The following MYLK4 variants were observed in gnomAD, a reference collection of about 807,000 sequenced individuals.
The protein encoded by MYLK4 is myosin light chain kinase family member 4.
A neutral mutation model predicts 48.1 loss-of-function variants in MYLK4; 46 were observed. The ratio of observed to expected loss-of-function variants is 0.96; its 90% CI spans 0.75 to 1.22. MYLK4 has a LOEUF of 1.22. Among genes scored for constraint, MYLK4 ranks in the 50% most tolerant of loss-of-function variants. The pLI is 0.00. For missense variants in MYLK4, 451 were observed against 486.1 expected (o/e 0.93, Z 0.68); for synonymous variants, 170 against 180.8 (o/e 0.94, Z 0.48).
At chr6:2,721,221 G>T (rs998981512) in intron 2 of MYLK4, among the ~76,000 whole-genome samples, 2 of 152,050 alleles carry the variant, frequency 1.3e-5, no homozygotes, top group African/African-American at 4.8e-5. Flanking sequence ...TCCAAGAAAG[G>T]TTCCTAGACT....
intron 6 of MYLK4, among the ~76,000 whole-genome samples, chr6:2,683,773 G>A (rs1056578574): frequency 1.3e-5 from 2 of 152,094 alleles, no homozygotes; most frequent in African/African-American, 4.8e-5. Context: ...CATGTATCAT[G>A]TTCTAAAGAT....
At chr6:2,743,427 C>T (rs1233780455) in intron 2 of MYLK4, among the ~76,000 whole-genome samples, 1 of 152,134 alleles carries the variant, frequency 6.6e-6, no homozygotes, top group Admixed American at 6.5e-5. Flanking sequence ...GAATTCCATT[C>T]CTGGAATAGC....
the MYLK4 span, among the ~76,000 whole-genome samples, chr6:2,763,008 C>T: frequency 6.6e-6 from 1 of 152,202 alleles, no homozygotes; most frequent in East Asian, 1.9e-4. Context: ...AAAAGAAAGC[C>T]AAGCGGGTCT....
chr6:2,674,552 A>T (rs1761011774), intron 11 of MYLK4, among the ~76,000 whole-genome samples: 1 of 152,222 alleles, frequency 6.6e-6, no homozygotes, highest in South Asian at 2.1e-4. Context: ...CAACAAATAC[A>T]TTATTTTTAA....
At chr6:2,748,373 T>C (rs183968601) in intron 2 of MYLK4, among the ~76,000 whole-genome samples, 1 of 152,314 alleles carries the variant, frequency 6.6e-6, no homozygotes, top group Admixed American at 6.5e-5. Flanking sequence ...CCACATGTGC[T>C]GGAATGAAGG....
chr6:2,672,525 T>C lies in MYLK4; in HGVS notation c.1120-1177A>G, dbSNP rs559838719. ...GAAGCAAAAGAGACAAATAAAAATA[T>C]ACGAAAGACTCAAAAATAGAATTTA... On this transcript the variant is annotated intron_variant, in intron 11 of 12. Coordinates refer to ENST00000274643, the MANE Select transcript of MYLK4 (RefSeq NM_001012418.5). This position sits in a 1 kb window ranked among gnomAD's most constrained non-coding sequence, Gnocchi z 4.3. Among the ~76,000 whole-genome samples, 1 of 152,316 alleles carries C rather than the reference T, an allele frequency of 6.6e-6. No homozygotes were observed. The highest frequency in any genetic ancestry group is 2.1e-4 in the South Asian group (1 of 4,826).
At chr6:2,762,012 A>C in the MYLK4 span, among the ~76,000 whole-genome samples, 2 of 152,158 alleles carry the variant, frequency 1.3e-5, no homozygotes, top group Non-Finnish European at 2.9e-5. Context: ...CCTAGATTCA[A>C]GTAATTCTCC....
chr6:2,765,816 C>A, the MYLK4 span: 1 of 1,353,126 alleles, frequency 7.4e-7, no homozygotes, highest in South Asian at 1.8e-5. Flanking sequence ...AAGGGGCCCT[C>A]GCCGCCCGGC....
rs900305755 is a variant in MYLK4 at position 2,735,189 on chromosome 6, G to A, written c.159+13947C>T. On this transcript the variant is annotated intron_variant, in intron 2 of 12. Coordinates refer to ENST00000274643, the MANE Select transcript of MYLK4 (RefSeq NM_001012418.5). ...ATTTCAGTAATAACAGACAAGTCCT[G>A]ACATACAAGAATCAGGTTGCCTTCT... 9.9e-5 allele frequency among the ~76,000 whole-genome samples: 15 copies of A among 152,182 alleles called. 1 individual carries two copies. Among genetic ancestry groups the A allele is most frequent in the Admixed American group, 3.3e-4 (5 of 15,282 alleles).
At chr6:2,747,746 A>T (rs1400642221) in intron 2 of MYLK4, among the ~76,000 whole-genome samples, 1 of 152,206 alleles carries the variant, frequency 6.6e-6, no homozygotes, top group Admixed American at 6.5e-5. Context: ...ATTCATATAA[A>T]CTATTACAGT....
At chr6:2,734,510 A>G (rs1421737713) in intron 2 of MYLK4, among the ~76,000 whole-genome samples, 2 of 152,188 alleles carry the variant, frequency 1.3e-5, no homozygotes, top group African/African-American at 4.8e-5. Flanking sequence ...AAGGACTATT[A>G]TTAGAAATAT....
At chr6:2,762,401 A>T in the MYLK4 span, among the ~76,000 whole-genome samples, 13 of 152,358 alleles carry the variant, frequency 8.5e-5, no homozygotes, top group Admixed American at 2.0e-4. Flanking sequence ...TTTCCACAGC[A>T]TTATTTTCTG....
At chr6:2,739,078 T>C (rs1763799737) in intron 2 of MYLK4, among the ~76,000 whole-genome samples, 1 of 152,206 alleles carries the variant, frequency 6.6e-6, no homozygotes. Flanking sequence ...AAAGATCAGA[T>C]GGTATATAGC....
At chr6:2,714,306 C>T (rs536501613) in intron 2 of MYLK4, among the ~76,000 whole-genome samples, 1 of 152,236 alleles carries the variant, frequency 6.6e-6, no homozygotes, top group Non-Finnish European at 1.5e-5. Flanking sequence ...AAGTTACCCC[C>T]GCTTCTTAGA....
intron 2 of MYLK4, among the ~76,000 whole-genome samples, chr6:2,713,188 C>T (rs549209387): frequency 3.3e-5 from 5 of 151,878 alleles, no homozygotes; most frequent in East Asian, 1.9e-4. Context: ...TTGACCAACA[C>T]GGAGAAACCC....
intron 7 of MYLK4, 49 bp from the exon 8 acceptor site, chr6:2,680,340 T>A: frequency 1.2e-6 from 2 of 1,611,216 alleles, no homozygotes; most frequent in Non-Finnish European, 1.7e-6. Context: ...CATCATTCAC[T>A]CAAATTGTCC....
chr6:2,679,563 C>T, intron 8 of MYLK4, 155 bp from the exon 9 acceptor site: 1 of 993,376 alleles, frequency 1.0e-6, no homozygotes, highest in African/African-American at 1.6e-5. Context: ...GCAAGAGGCT[C>T]AAAAACTTGT....
At chr6:2,729,293 G>A (rs2113318752) in intron 2 of MYLK4, among the ~76,000 whole-genome samples, 1 of 152,330 alleles carries the variant, frequency 6.6e-6, no homozygotes, top group African/African-American at 2.4e-5. Flanking sequence ...ACTGGGGCCA[G>A]GAGGATGAGG....
chr6:2,766,439 G>T, the MYLK4 span: 1 of 1,557,030 alleles, frequency 6.4e-7, no homozygotes, highest in Non-Finnish European at 8.7e-7. Context: ...GCCGGGCTGC[G>T]GCAAGGTGAG....
Sources: allele counts gnomAD v4.1 joint callset (sites outside exome capture counted in the v4.1 genomes callset), GRCh38; gene constraint gnomAD v4.1.1; non-coding constraint Gnocchi (gnomAD v3.1); transcripts MANE v1.5; gene names NCBI Gene and HGNC (gene_info 2026-07-23, HGNC 2026-07-21).